BBOF1: variants seen among roughly 807,000 people sequenced by gnomAD.
The protein encoded by BBOF1 is basal body orientation factor 1.
A neutral mutation model predicts 68.0 loss-of-function variants in BBOF1; 62 were observed. The ratio of observed to expected loss-of-function variants is 0.91; its 90% CI spans 0.74 to 1.13. The LOEUF is 1.13. Ranked by LOEUF, BBOF1 falls within the 50% of genes most tolerant of loss-of-function variation. BBOF1 has a pLI of 0.00. For synonymous variants in BBOF1, 208 were observed against 198.8 expected (o/e 1.05, Z -0.39); for missense variants, 534 against 600.1 (o/e 0.89, Z 1.15).
intron 9 of BBOF1, chr14:74,071,211 GATGATGTTT>G (rs1480055999): frequency 6.2e-7 from 1 of 1,613,980 alleles, no homozygotes; most frequent in African/African-American, 1.3e-5. Context: ...GCTGTCCATG[GATGATGTTT>G]AATGTTCCAT....
chr14:74,056,362 C>A (rs1830558642), intron 9 of BBOF1, among the ~76,000 whole-genome samples: 1 of 151,888 alleles, frequency 6.6e-6, no homozygotes, highest in African/African-American at 2.4e-5. Flanking sequence ...CCATGCCTGG[C>A]TAATTTTTGT....
chr14:74,046,082 A>T lies in BBOF1; in HGVS notation c.599A>T (p.Glu200Val), dbSNP rs1341634661. Residue 200 changes from glutamate (E) to valine (V), a missense_variant, in exon 6 of 12, where the codon GAA (glutamate) becomes GTA (valine). Coordinates refer to ENST00000394009, the MANE Select transcript of BBOF1 (RefSeq NM_025057.3). ...EEKHRLEQEA[E>V]KKIIMLAERA... Reference sequence around the variant, plus strand: ...TAGCACCGACTAGAACAAGAGGCTGAAAAGAAGATAATAATGCTAGCAGAG... The same window carrying T: ...TAGCACCGACTAGAACAAGAGGCTGTAAAGAAGATAATAATGCTAGCAGAG... 4.4e-6 allele frequency: 7 copies of T among 1,608,834 alleles called. No individual in the cohort carries two copies. The highest frequency in any genetic ancestry group is 3.4e-6 in the Non-Finnish European group (4 of 1,177,574).
chr14:74,023,814 G>C (rs1359311138), intron 2 of BBOF1, among the ~76,000 whole-genome samples: 2 of 151,692 alleles, frequency 1.3e-5, no homozygotes, highest in Admixed American at 6.6e-5. Context: ...TACTCGGGAG[G>C]CTGAGGCAGG....
chr14:74,069,064 G>T, downstream of BBOF1: 1 of 1,344,976 alleles, frequency 7.4e-7, no homozygotes, highest in Non-Finnish European at 1.0e-6. Flanking sequence ...CCACTGCTAT[G>T]GATTTGAAGT....
chr14:74,071,737 T>C, intron 9 of BBOF1: 1 of 1,445,832 alleles, frequency 6.9e-7, no homozygotes, highest in Non-Finnish European at 9.5e-7. Flanking sequence ...AAATCAGTCT[T>C]AGGGATACTG....
chr14:74,053,910 T>C (rs902138198), intron 8 of BBOF1, among the ~76,000 whole-genome samples: 9 of 151,890 alleles, frequency 5.9e-5, no homozygotes, highest in African/African-American at 1.7e-4. Flanking sequence ...GTCTTCGCTC[T>C]GTCACCCAGG....
chr14:74,044,070 AC>A (rs2059895397), intron 5 of BBOF1, among the ~76,000 whole-genome samples: 1 of 151,438 alleles, frequency 6.6e-6, no homozygotes, highest in African/African-American at 2.4e-5. Flanking sequence ...ACATAGTGAA[AC>A]CCTGTCTGTA....
chr14:74,075,436 C>T (rs2060602021), intron 9 of BBOF1, among the ~76,000 whole-genome samples: 2 of 151,990 alleles, frequency 1.3e-5, no homozygotes, highest in South Asian at 4.2e-4. Flanking sequence ...ACGGGTATAT[C>T]ACTTGAGTCT....
downstream of BBOF1, among the ~76,000 whole-genome samples, chr14:74,068,506 C>T (rs1354563610): frequency 2.0e-5 from 3 of 151,846 alleles, no homozygotes; most frequent in East Asian, 5.8e-4. Context: ...TTTGGGAGGC[C>T]GAGGCGGGCA....
At chr14:74,072,504 C>T (rs778700077) in intron 9 of BBOF1, 2 of 1,614,100 alleles carry the variant, frequency 1.2e-6, no homozygotes, top group South Asian at 2.2e-5. Flanking sequence ...ATTCTAGGCT[C>T]ATAAGTTGAA....
At chr14:74,026,830 CAGG>C (rs1171207876) in intron 2 of BBOF1, among the ~76,000 whole-genome samples, 1 of 151,730 alleles carries the variant, frequency 6.6e-6, no homozygotes, top group East Asian at 2.0e-4. Context: ...GAAGCTGAGA[CAGG>C]AGAATCGCTT....
intron 8 of BBOF1, 140 bp downstream of exon 8, chr14:74,050,335 CTT>C: frequency 1.1e-6 from 1 of 926,264 alleles, no homozygotes; most frequent in Non-Finnish European, 1.6e-6. Context: ...CAGGAACTGA[CTT>C]ATTCATCTTT....
At position 74,072,252 on chromosome 14, in the gene BBOF1, C is replaced by T. The variant is rs200393785; in HGVS notation, n.1380-5944C>T. ...ATAGCGGAGCAAGACCTGCTGGCGG[C>T]TTAATACTGAAGTGTCTGCCCATGC... On this transcript the variant is annotated intron_variant and non_coding_transcript_variant, in intron 9 of 12. Transcript: ENST00000492026. The T allele has an allele frequency of 4.3e-6, 7 of 1,614,216 alleles. No individual in the cohort carries two copies. In the East Asian group the frequency reaches 1.6e-4, roughly 36 times the overall value.
chr14:74,020,952 G>T (rs1453942540), intron 1 of BBOF1, among the ~76,000 whole-genome samples: 1 of 152,144 alleles, frequency 6.6e-6, no homozygotes, highest in Admixed American at 6.6e-5. Flanking sequence ...AATTTGAAGA[G>T]AACAAAAGGT....
At chr14:74,071,133 T>C in intron 9 of BBOF1, 1 of 1,464,546 alleles carries the variant, frequency 6.8e-7, no homozygotes, top group Non-Finnish European at 9.6e-7. Flanking sequence ...CATCCAACCA[T>C]CACTCAACAC....
chr14:74,045,441 C>G (rs908898713), intron 5 of BBOF1, among the ~76,000 whole-genome samples: 18 of 152,234 alleles, frequency 1.2e-4, no homozygotes, highest in South Asian at 8.3e-4. Context: ...TACCGAGAAG[C>G]TGGGATTACA....
At chr14:74,062,806 C>T (rs2060376412) in intron 11 of BBOF1, among the ~76,000 whole-genome samples, 1 of 147,978 alleles carries the variant, frequency 6.8e-6, no homozygotes, top group African/African-American at 2.4e-5. Context: ...ATAGCTGGCA[C>T]AGAAAAAAAA....
chr14:74,057,377 G>A (rs1470471503), intron 11 of BBOF1, 119 bp downstream of exon 11: 1 of 1,558,296 alleles, frequency 6.4e-7, no homozygotes, highest in African/African-American at 1.4e-5. Context: ...TCAGTGGAAT[G>A]AGTAATAAAT....
At chr14:74,032,784 G>A (rs1427275122) in intron 3 of BBOF1, among the ~76,000 whole-genome samples, 2 of 152,120 alleles carry the variant, frequency 1.3e-5, no homozygotes, top group Admixed American at 6.6e-5. Context: ...GAGCCACCAC[G>A]TCTGGCCCAA....
Sources: allele counts gnomAD v4.1 joint callset (sites outside exome capture counted in the v4.1 genomes callset), GRCh38; gene constraint gnomAD v4.1.1; transcripts MANE v1.5; gene names NCBI Gene and HGNC (gene_info 2026-07-23, HGNC 2026-07-21).